TRPM4: variants seen among roughly 807,000 people sequenced by gnomAD.
TRPM4 encodes the protein transient receptor potential cation channel subfamily M member 4, also known as calcium-activated non-selective cation channel 1.
TRPM4 carries 124 observed loss-of-function variants against 135.6 expected under a neutral mutation model. The ratio of observed to expected loss-of-function variants is 0.91; its 90% CI spans 0.79 to 1.06. The LOEUF is 1.06. TRPM4 is among the 50% of genes least tolerant of loss of function. The pLI, the probability that TRPM4 is intolerant of heterozygous loss-of-function variation, is 0.00. For synonymous variants in TRPM4, 745 were observed against 705.6 expected, an observed-to-expected ratio of 1.06 and a Z score of -0.88; for missense variants, 1,658 against 1,671.4, an observed-to-expected ratio of 0.99 and a Z score of 0.14.
chr19:49,196,532 GCCTA>G lies in TRPM4; in HGVS notation c.2305_2308del (p.Leu769AlafsTer11). ...GGGGGCCGCTGCGGGGGGCGCCGGT[GCCTA>G]CGCCGCTGGTTCCACTTCTGGGGCG... On this transcript the variant is annotated frameshift_variant, in exon 17 of 25. Coordinates refer to ENST00000252826, the MANE Select transcript of TRPM4 (RefSeq NM_017636.4). LOFTEE classifies it high-confidence loss of function. 6.4e-7 allele frequency: 1 copy of G among 1,553,974 alleles called. No individual in the cohort carries two copies. The highest frequency in any genetic ancestry group is 8.7e-7 in the Non-Finnish European group (1 of 1,153,314).
chr19:49,172,230 A>G, intron 9 of TRPM4, 122 bp downstream of exon 9: 1 of 810,700 alleles, frequency 1.2e-6, no homozygotes. Context: ...CCCTCTTAAT[A>G]TTTTTCCCCT....
chr19:49,160,915 T>A (rs1600387008), intron 2 of TRPM4, among the ~76,000 whole-genome samples: 1 of 148,590 alleles, frequency 6.7e-6, no homozygotes, highest in Non-Finnish European at 1.5e-5. Context: ...TTGATGAGGG[T>A]GATGAGGGAG....
At chr19:49,181,709 T>C (rs756361299) in intron 10 of TRPM4, among the ~76,000 whole-genome samples, 91 of 151,964 alleles carry the variant, frequency 6.0e-4, no homozygotes, top group Non-Finnish European at 1.0e-3. Context: ...TTTTTTTGTA[T>C]TTTTAGTAGA....
chr19:49,160,737 G>T (rs890662557), intron 2 of TRPM4, among the ~76,000 whole-genome samples: 1 of 152,102 alleles, frequency 6.6e-6, no homozygotes, highest in African/African-American at 2.4e-5. Flanking sequence ...GGCTCTGGGT[G>T]TGGAAAAACT....
In TRPM4 at chr19:49,158,212, C is replaced by A. The variant is rs1009277467; in HGVS notation, c.45C>A (p.Phe15Leu). The A allele has an allele frequency of 1.4e-5, 22 of 1,613,762 alleles. No homozygotes were observed. Among genetic ancestry groups the A allele is most frequent in the Non-Finnish European group, 1.9e-5 (22 of 1,179,948 alleles). The change falls in exon 2 of 25, where the codon TTC becomes TTA. Residue 15 changes from phenylalanine (F) to leucine (L), a missense_variant. This residue lies in a region of TRPM4 where 239 missense variants were observed against 240.1 expected (regional missense o/e 1.00). Coordinates refer to ENST00000252826, the MANE Select transcript of TRPM4 (RefSeq NM_017636.4). ...EKEQSWIPKI[F>L]KKKTCTTFIV... ...CCCAGAGCTGGATCCCCAAGATCTT[C>A]AAGAAGAAGACCTGCACGACGTTCA...
At position 49,202,003 on chromosome 19, in the gene TRPM4, G is replaced by A; in HGVS notation, c.2993G>A (p.Gly998Asp). ...MEHSNCSSEPGFWAHPPGAQA... is the reference protein window; with the variant it reads ...MEHSNCSSEPDFWAHPPGAQA... ...CACAGCAACTGCTCGTCGGAGCCCG[G>A]CTTCTGGGCACACCCTCCTGGGGCC... Residue 998 changes from glycine (G) to aspartate (D), a missense_variant, in exon 20 of 25, where the codon GGC becomes GAC. Gly to Asp is a moderately conservative substitution (Grantham distance 94). Transcript: ENST00000252826. The A allele has an allele frequency of 6.2e-7, 1 of 1,613,614 alleles. No individual in the cohort carries two copies. The highest frequency in any genetic ancestry group is 1.1e-5 in the South Asian group (1 of 91,050).
intron 10 of TRPM4, 147 bp downstream of exon 10, chr19:49,181,608 T>C: frequency 1.6e-6 from 1 of 622,998 alleles, no homozygotes; most frequent in Non-Finnish European, 2.7e-6. Flanking sequence ...CCCAGCTCAC[T>C]GCAAGCTCCG....
intron 9 of TRPM4, among the ~76,000 whole-genome samples, chr19:49,173,724 C>T (rs181187540): frequency 2.6e-5 from 4 of 152,154 alleles, no homozygotes; most frequent in African/African-American, 9.6e-5. Context: ...GTGGTGTGAT[C>T]ACGGCTCAGT....
chr19:49,170,880 G>A (rs926332607), intron 6 of TRPM4, among the ~76,000 whole-genome samples: 10 of 152,134 alleles, frequency 6.6e-5, no homozygotes, highest in Admixed American at 2.0e-4. Context: ...CCAGGAATTC[G>A]AGACCAGCCT....
chr19:49,207,554 C>T (rs2145988726), intron 20 of TRPM4, among the ~76,000 whole-genome samples: 1 of 145,558 alleles, frequency 6.9e-6, no homozygotes, highest in Admixed American at 7.2e-5. Flanking sequence ...GGCTTGAGCC[C>T]AGGAGGTCAA....
intron 10 of TRPM4, among the ~76,000 whole-genome samples, chr19:49,181,887 T>C (rs1299567722): frequency 6.6e-6 from 1 of 152,006 alleles, no homozygotes; most frequent in Non-Finnish European, 1.5e-5. Flanking sequence ...CTGTCCAGCC[T>C]TCCCTTAATT....
chr19:49,184,098 G>T (rs1041187690), intron 12 of TRPM4, among the ~76,000 whole-genome samples: 1 of 152,032 alleles, frequency 6.6e-6, no homozygotes, highest in Non-Finnish European at 1.5e-5. Flanking sequence ...TGAGCTTCCT[G>T]GATGTGTAGA....
rs144781529 is a variant in TRPM4, at chr19:49,167,957, A to G, written c.308A>G (p.Tyr103Cys). The change falls in exon 4 of 25, where the codon TAT (tyrosine) becomes TGT (cysteine). Residue 103 changes from tyrosine to cysteine, a missense_variant. Transcript: ENST00000252826. ...GACCGAACGGATCCAGCTGCAGTTT[A>G]TAGTCTGGTCACACGCACATGGGGC... ...LSDRTDPAAV[Y>C]SLVTRTWGFR... The G allele has an allele frequency of 4.0e-4, 647 of 1,613,650 alleles. 11 individuals carry two copies. The highest frequency in any genetic ancestry group is 5.2e-4 in the Non-Finnish European group (609 of 1,179,816).
intron 2 of TRPM4, among the ~76,000 whole-genome samples, chr19:49,163,750 C>A (rs73590080): frequency 0.015 from 2,258 of 152,312 alleles, 56 homozygotes; most frequent in African/African-American, 0.052. Context: ...CTGCCTTGAC[C>A]TCCCAAAGTG....
Position 49,211,120 on chromosome 19 carries a change from G to A in TRPM4, c.3534+33G>A, listed in dbSNP as rs1439506009. On this transcript the variant is annotated intron_variant, in intron 23 of 24. Coordinates refer to ENST00000252826, the MANE Select transcript of TRPM4 (RefSeq NM_017636.4). The surrounding 1 kb of genome is among the most constrained non-coding windows in gnomAD (Gnocchi z 4.8). ...CTTGGGGCCTGGCTGGGGGACTGTG[G>A]CAGGGGTCCCATCTCCCGCTCTGAC... 2 of 1,612,238 alleles carry A rather than the reference G, an allele frequency of 1.2e-6. No homozygotes were observed. The highest frequency in any genetic ancestry group is 1.7e-6 in the Non-Finnish European group (2 of 1,179,236).
Position 49,210,370 on chromosome 19 carries a change from G to GC in TRPM4, c.3298dup (p.Gln1100ProfsTer16). 1.2e-6 allele frequency: 2 copies of GC among 1,614,072 alleles called. No homozygotes were observed. The highest frequency in any genetic ancestry group is 2.2e-5 in the South Asian group (2 of 91,084). Reference sequence around the variant, plus strand: ...AGGCAATTGTGCAGGCGACCCCGGAGCCCCCAGCCGTCCTCCCCGGCCCTC... The same window carrying GC: ...AGGCAATTGTGCAGGCGACCCCGGAGCCCCCCAGCCGTCCTCCCCGGCCCTC... On this transcript the variant is annotated frameshift_variant, in exon 21 of 25. Coordinates refer to ENST00000252826, the MANE Select transcript of TRPM4 (RefSeq NM_017636.4). LOFTEE classifies it high-confidence loss of function. This position sits in a 1 kb window ranked among gnomAD's most constrained non-coding sequence, Gnocchi z 4.1.
At chr19:49,176,654 T>C (rs1313632656) in intron 9 of TRPM4, among the ~76,000 whole-genome samples, 1 of 152,070 alleles carries the variant, frequency 6.6e-6, no homozygotes, top group Non-Finnish European at 1.5e-5. Flanking sequence ...GAGTTCGAGA[T>C]CAGCCTGGCC....
At chr19:49,175,762 G>A (rs1967664568) in intron 9 of TRPM4, among the ~76,000 whole-genome samples, 2 of 149,132 alleles carry the variant, frequency 1.3e-5, no homozygotes, top group Admixed American at 6.8e-5. Flanking sequence ...CTGGGTTCAC[G>A]CCATTCTCCT....
chr19:49,172,332 A>T (rs564270800), intron 9 of TRPM4, among the ~76,000 whole-genome samples: 8 of 152,240 alleles, frequency 5.3e-5, no homozygotes, highest in Non-Finnish European at 1.0e-4. Context: ...CCATCCATCC[A>T]TTCTTTCATC....
Sources: gnomAD v4.1 joint callset for allele counts (sites outside exome capture counted in the v4.1 genomes callset) on GRCh38, gnomAD v4.1.1 for gene constraint, gnomAD v4.1.1 regional missense constraint, Gnocchi (gnomAD v3.1) non-coding constraint, MANE v1.5 for transcripts, NCBI Gene and HGNC (gene_info 2026-07-23, HGNC 2026-07-21) for gene names.